The following ITGA9 variants were observed in gnomAD, a reference collection of about 807,000 sequenced individuals.
ITGA9 encodes the protein integrin subunit alpha 9.
ITGA9 carries 56 observed loss-of-function variants against 127.8 expected under a neutral mutation model. The ratio of observed to expected loss-of-function variants is 0.44; its 90% CI spans 0.35 to 0.55. The LOEUF (loss-of-function observed/expected upper bound fraction) is 0.55. ITGA9 is among the 20% of genes least tolerant of loss of function. ITGA9 has a pLI of 0.00. For missense variants in ITGA9, 1,196 were observed against 1,347.1 expected, an observed-to-expected ratio of 0.89 and a Z score of 1.76; for synonymous variants, 508 against 514.5, an observed-to-expected ratio of 0.99 and a Z score of 0.17.
In ITGA9 at chr3:37,629,349, A is replaced by G; in HGVS notation, c.1839+13A>G. ...CCAAAAGAATCAGGTCAGAACCTTA[A>G]AGCTCATACTCAGCACCCAAGGTGG... is the stretch of plus-strand genomic sequence containing the variant. On this transcript the variant is annotated intron_variant, in intron 16 of 27. Transcript: ENST00000264741. This position sits in a 1 kb window ranked among gnomAD's most constrained non-coding sequence, Gnocchi z 4.5. 1 of 1,613,856 alleles carries G rather than the reference A, an allele frequency of 6.2e-7. No homozygotes were observed. Among genetic ancestry groups the G allele is most frequent in the Non-Finnish European group, 8.5e-7 (1 of 1,179,910 alleles).
At chr3:37,709,982 A>G (rs1701060428) in intron 18 of ITGA9, among the ~76,000 whole-genome samples, 1 of 152,238 alleles carries the variant, frequency 6.6e-6, no homozygotes, top group Admixed American at 6.5e-5. Context: ...TGAAACTTTC[A>G]TTCTGACAGT....
intron 18 of ITGA9, among the ~76,000 whole-genome samples, chr3:37,686,220 A>C (rs2125664365): frequency 6.7e-6 from 1 of 150,280 alleles, no homozygotes; most frequent in Admixed American, 6.6e-5. Context: ...GAATTATTGG[A>C]GGAGCACTCT....
chr3:37,577,576 A>AT lies in ITGA9; in HGVS notation c.1689+34993dup, dbSNP rs372395660. ...AGTGGCATAGATGATGGCTGGAAAGATTAAGTTCTTTCTGGTGGCTTCTTT... is the reference window on the plus strand; with the variant it reads ...AGTGGCATAGATGATGGCTGGAAAGATTTAAGTTCTTTCTGGTGGCTTCTTT... On this transcript the variant is annotated intron_variant, in intron 15 of 27. Coordinates refer to ENST00000264741, the MANE Select transcript of ITGA9 (RefSeq NM_002207.3). 4.1e-3 allele frequency among the ~76,000 whole-genome samples: 625 copies of AT among 152,358 alleles called. 3 individuals carry two copies. The highest frequency in any genetic ancestry group is 0.014 in the African/African-American group (597 of 41,574).
chr3:37,659,157 G>A (rs770658403), intron 17 of ITGA9, among the ~76,000 whole-genome samples: 5 of 152,098 alleles, frequency 3.3e-5, no homozygotes, highest in Non-Finnish European at 7.4e-5. Context: ...TATGTGTCTT[G>A]AGGTTGGTCT....
intron 5 of ITGA9, 98 bp downstream of exon 5, chr3:37,494,666 C>G (rs1698708497): frequency 4.2e-6 from 4 of 952,436 alleles, no homozygotes; most frequent in Non-Finnish European, 1.7e-6. Context: ...CTTCTGGAGT[C>G]CCAGATACTT....
At chr3:37,482,614 G>C (rs1698568417) in intron 4 of ITGA9, among the ~76,000 whole-genome samples, 1 of 152,082 alleles carries the variant, frequency 6.6e-6, no homozygotes, top group African/African-American at 2.4e-5. Flanking sequence ...GGTTTTCCTA[G>C]GTTTCAAATT....
Position 37,473,401 on chromosome 3 carries a change from G to A in ITGA9, c.361G>A (p.Asp121Asn), listed in dbSNP as rs754655531. Residue 121 changes from aspartate (D) to asparagine (N), a missense_variant, in exon 3 of 28, where the codon GAT (aspartate) becomes AAT (asparagine). Transcript: ENST00000264741. ...CGGAAAGACCTGCCGGGAAGACCGC[G>A]ATGATGAGTGGATGGGGGTGAGCCT... Reference protein sequence around the residue: ...SCGKTCREDRDDEWMGVSLAR... With the variant: ...SCGKTCREDRNDEWMGVSLAR... 1.5e-5 allele frequency: 24 copies of A among 1,614,008 alleles called. No homozygotes were observed. Among genetic ancestry groups the A allele is most frequent in the Non-Finnish European group, 1.9e-5 (23 of 1,180,030 alleles).
chr3:37,676,588 CA>C (rs1221520842), intron 17 of ITGA9, among the ~76,000 whole-genome samples: 7 of 152,268 alleles, frequency 4.6e-5, no homozygotes, highest in Non-Finnish European at 7.3e-5. Flanking sequence ...GCAGGTTACA[CA>C]GTGATAAGAC....
intron 4 of ITGA9, among the ~76,000 whole-genome samples, chr3:37,491,000 C>T (rs1367521506): frequency 1.6e-5 from 2 of 126,096 alleles, no homozygotes; most frequent in Admixed American, 9.1e-5. Flanking sequence ...TTTTTGAGAC[C>T]GAATCTGGCT....
At chr3:37,632,433 A>C (rs572392757) in intron 16 of ITGA9, among the ~76,000 whole-genome samples, 22 of 152,212 alleles carry the variant, frequency 1.4e-4, no homozygotes, top group South Asian at 8.3e-4. Context: ...CAAGTAGAAA[A>C]GAAAGCTAAA....
chr3:37,452,239 C>T lies in ITGA9; in HGVS notation c.-136C>T, dbSNP rs1206472959. 3.2e-6 allele frequency: 1 copy of T among 317,246 alleles called. No individual in the cohort carries two copies. Among genetic ancestry groups the T allele is most frequent in the African/African-American group, 2.3e-5 (1 of 44,188 alleles). The allele number at this position is 317,246 out of a possible 1,614,324, so 19.7% of individuals were successfully genotyped here. A position where few individuals can be genotyped will look rare whatever the true frequency, so the allele number is the denominator to read the frequency against. On this transcript the variant is annotated 5_prime_UTR_variant, in exon 1 of 28. Coordinates refer to ENST00000264741, the MANE Select transcript of ITGA9 (RefSeq NM_002207.3). The surrounding 1 kb of genome is among the most constrained non-coding windows in gnomAD (Gnocchi z 7.3). ...CGCCGTCCGCGCCCCGGTGGCGGGC[C>T]CGACGCCCGCATTCCGCCCGTGTCC...
At chr3:37,461,455 A>C (rs1008898958) in intron 1 of ITGA9, among the ~76,000 whole-genome samples, 2 of 152,220 alleles carry the variant, frequency 1.3e-5, no homozygotes, top group African/African-American at 4.8e-5. Flanking sequence ...TGCAAAGCCC[A>C]GAGCACAACA....
chr3:37,598,889 G>A (rs1246264834), intron 15 of ITGA9, among the ~76,000 whole-genome samples: 1 of 152,176 alleles, frequency 6.6e-6, no homozygotes, highest in African/African-American at 2.4e-5. Flanking sequence ...CCGTGGGTTT[G>A]TGGGGAGGGC....
intron 1 of ITGA9, among the ~76,000 whole-genome samples, chr3:37,469,899 G>T (rs1424013603): frequency 6.6e-6 from 1 of 152,034 alleles, no homozygotes; most frequent in African/African-American, 2.4e-5. Flanking sequence ...GGGTTCAAGC[G>T]ATTCTCCTGC....
At chr3:37,563,600 C>G (rs1339459177) in intron 15 of ITGA9, among the ~76,000 whole-genome samples, 1 of 152,236 alleles carries the variant, frequency 6.6e-6, no homozygotes, top group Non-Finnish European at 1.5e-5. Context: ...CCTGTCACTA[C>G]CATGCTGCAG....
At chr3:37,709,455 T>C (rs929468298) in intron 18 of ITGA9, among the ~76,000 whole-genome samples, 2 of 152,224 alleles carry the variant, frequency 1.3e-5, no homozygotes, top group African/African-American at 4.8e-5. Context: ...CAGTTTTTCT[T>C]TCAAAACTTC....
At chr3:37,532,629 AC>A (rs67477093) in intron 13 of ITGA9, among the ~76,000 whole-genome samples, 83,499 of 151,624 alleles carry the variant, frequency 0.55, 23,641 homozygotes, top group East Asian at 0.81. Flanking sequence ...TGGGGAGCCC[AC>A]AGGTGCTGTC....
intron 2 of ITGA9, among the ~76,000 whole-genome samples, chr3:37,471,488 C>T (rs780742232): frequency 2.4e-4 from 37 of 152,162 alleles, no homozygotes; most frequent in Admixed American, 1.4e-3. Flanking sequence ...TAGAAGGATG[C>T]GTAGTCGTTA....
chr3:37,634,997 T>C (rs559172236), intron 16 of ITGA9, among the ~76,000 whole-genome samples: 2 of 152,308 alleles, frequency 1.3e-5, no homozygotes, highest in African/African-American at 4.8e-5. Context: ...TGAATGACCA[T>C]TGGGTTAATG....
Sources: allele counts gnomAD v4.1 joint callset (sites outside exome capture counted in the v4.1 genomes callset), GRCh38; gene constraint gnomAD v4.1.1; non-coding constraint Gnocchi (gnomAD v3.1); transcripts MANE v1.5; gene names NCBI Gene and HGNC (gene_info 2026-07-23, HGNC 2026-07-21).